UVRAG: variants seen among roughly 807,000 people sequenced by gnomAD.
UVRAG encodes the protein UV radiation resistance associated.
In UVRAG, 19 loss-of-function variants were observed where a neutral mutation model predicts 78.0. That is an observed-to-expected ratio of 0.24 (90% CI 0.17 to 0.36). The LOEUF (loss-of-function observed/expected upper bound fraction) is 0.36, where lower values mean the gene tolerates loss of function less well. UVRAG is among the 10% of genes least tolerant of loss of function. The pLI is 1.00. For missense variants in UVRAG, 740 were observed against 853.8 expected, an observed-to-expected ratio of 0.87 and a Z score of 1.66; for synonymous variants, 323 against 324.6, an observed-to-expected ratio of 1.00 and a Z score of 0.05.
intron 6 of UVRAG, among the ~76,000 whole-genome samples, chr11:75,929,945 G>A (rs1351650092): frequency 1.3e-5 from 2 of 152,096 alleles, no homozygotes; most frequent in Non-Finnish European, 2.9e-5. Context: ...ATCTCACTTC[G>A]TTCCTGTACC....
intron 12 of UVRAG, among the ~76,000 whole-genome samples, chr11:76,028,391 G>A (rs557681761): frequency 2.4e-4 from 36 of 152,190 alleles, no homozygotes; most frequent in African/African-American, 8.4e-4. Flanking sequence ...GAAAGGAAGA[G>A]TTCCAATATC....
intron 12 of UVRAG, among the ~76,000 whole-genome samples, chr11:76,022,510 T>C (rs1361631486): frequency 6.6e-6 from 1 of 152,216 alleles, no homozygotes; most frequent in Non-Finnish European, 1.5e-5. Flanking sequence ...GCCTGATGAA[T>C]TGACCCTTTT....
chr11:76,115,082 C>G (rs970061779), intron 13 of UVRAG, among the ~76,000 whole-genome samples: 3 of 152,214 alleles, frequency 2.0e-5, no homozygotes, highest in African/African-American at 7.2e-5. Context: ...TGCACATCCA[C>G]TTACTTCGGC....
At chr11:76,035,214 T>A (rs1950511251) in intron 12 of UVRAG, among the ~76,000 whole-genome samples, 1 of 152,198 alleles carries the variant, frequency 6.6e-6, no homozygotes, top group Non-Finnish European at 1.5e-5. Context: ...CTCCTAATAT[T>A]GAATTTGCTG....
chr11:75,964,658 T>C (rs1434039650), intron 7 of UVRAG, among the ~76,000 whole-genome samples: 1 of 152,202 alleles, frequency 6.6e-6, no homozygotes, highest in Non-Finnish European at 1.5e-5. Context: ...ATCCCAGCAA[T>C]TTGGGAGGCC....
At chr11:76,077,775 T>A (rs1347350563) in intron 13 of UVRAG, among the ~76,000 whole-genome samples, 2 of 152,210 alleles carry the variant, frequency 1.3e-5, no homozygotes, top group Non-Finnish European at 2.9e-5. Flanking sequence ...GCTTTCCTTT[T>A]GTCAGACAGG....
intron 1 of UVRAG, chr11:75,837,609 T>A (rs1945814382): frequency 6.6e-6 from 1 of 152,200 alleles, no homozygotes; most frequent in South Asian, 2.1e-4. Context: ...CTGGTTCTGA[T>A]CAACTAGTTG....
At chr11:76,070,382 A>G (rs1162783197) in intron 13 of UVRAG, among the ~76,000 whole-genome samples, 1 of 152,188 alleles carries the variant, frequency 6.6e-6, no homozygotes. Flanking sequence ...GATATAATAT[A>G]CAGAATGAGG....
At chr11:75,917,727 T>C (rs975099267) in intron 6 of UVRAG, among the ~76,000 whole-genome samples, 1 of 152,336 alleles carries the variant, frequency 6.6e-6, no homozygotes, top group Non-Finnish European at 1.5e-5. Context: ...AATGGTATTA[T>C]CACCATCCTA....
intron 1 of UVRAG, among the ~76,000 whole-genome samples, chr11:75,850,789 C>T (rs930338431): frequency 1.3e-5 from 2 of 152,162 alleles, no homozygotes; most frequent in African/African-American, 4.8e-5. Flanking sequence ...AGAGTAAGCC[C>T]AGGAAACTTT....
chr11:75,829,786 A>C (rs959824619), intron 1 of UVRAG, among the ~76,000 whole-genome samples: 4 of 152,216 alleles, frequency 2.6e-5, no homozygotes, highest in Admixed American at 1.3e-4. Flanking sequence ...ATTCCAGTAA[A>C]AGTTTAAGGA....
intron 3 of UVRAG, among the ~76,000 whole-genome samples, chr11:75,867,419 A>G (rs547326461): frequency 1.6e-4 from 24 of 152,138 alleles, no homozygotes; most frequent in Non-Finnish European, 3.1e-4. Flanking sequence ...TCCGATTGCC[A>G]TGTTTCAACT....
At chr11:75,970,103 G>T (rs1443818969) in intron 7 of UVRAG, among the ~76,000 whole-genome samples, 1 of 152,220 alleles carries the variant, frequency 6.6e-6, no homozygotes, top group East Asian at 1.9e-4. Context: ...AAGACTAGGA[G>T]AGAAGACACA....
chr11:76,141,069 G>A lies in UVRAG; in HGVS notation c.1756G>A (p.Gly586Arg), dbSNP rs200073911. ...HANVHPSQEQ[G>R]EALSGHRATV... Reference sequence around the variant, plus strand: ...GAATGTGCACCCTAGCCAAGAACAAGGAGAAGCCCTCTCCGGGCACCGGGC... The same window carrying A: ...GAATGTGCACCCTAGCCAAGAACAAAGAGAAGCCCTCTCCGGGCACCGGGC... Residue 586 changes from glycine to arginine, a missense_variant, in exon 15 of 15, where the codon GGA becomes AGA. Physicochemically the swap from Gly to Arg is moderately radical, Grantham distance 125. Coordinates refer to ENST00000356136, the MANE Select transcript of UVRAG (RefSeq NM_003369.4). 3.9e-5 allele frequency: 63 copies of A among 1,613,668 alleles called. No individual in the cohort carries two copies. Among genetic ancestry groups the A allele is most frequent in the African/African-American group, 6.7e-5 (5 of 74,584 alleles).
chr11:75,918,909 C>T (rs975819299), intron 6 of UVRAG, among the ~76,000 whole-genome samples: 1 of 152,178 alleles, frequency 6.6e-6, no homozygotes, highest in African/African-American at 2.4e-5. Flanking sequence ...TCAGCTGTTG[C>T]TTTCTTTCAG....
At chr11:76,125,282 A>G (rs780752414) in intron 14 of UVRAG, among the ~76,000 whole-genome samples, 1 of 152,228 alleles carries the variant, frequency 6.6e-6, no homozygotes, top group East Asian at 1.9e-4. Flanking sequence ...AGTCAAAAAT[A>G]AGTGAAAAAG....
chr11:75,901,531 C>T (rs1487783099), intron 5 of UVRAG, among the ~76,000 whole-genome samples: 2 of 152,162 alleles, frequency 1.3e-5, no homozygotes, highest in Non-Finnish European at 2.9e-5. Context: ...TCTCACAACA[C>T]TTCCTCCTGC....
chr11:75,878,663 A>C (rs2134872109), intron 3 of UVRAG, among the ~76,000 whole-genome samples: 1 of 152,344 alleles, frequency 6.6e-6, no homozygotes, highest in South Asian at 2.1e-4. Flanking sequence ...GCTGGAGACC[A>C]GCCCGGCTAA....
intron 1 of UVRAG, among the ~76,000 whole-genome samples, chr11:75,848,605 A>G (rs953968119): frequency 2.6e-5 from 4 of 152,208 alleles, no homozygotes; most frequent in African/African-American, 9.7e-5. Context: ...ATCTCCGTCC[A>G]AGCCCTGCAC....
Sources: gnomAD v4.1 joint callset for allele counts (sites outside exome capture counted in the v4.1 genomes callset) on GRCh38, gnomAD v4.1.1 for gene constraint, MANE v1.5 for transcripts, NCBI Gene and HGNC (gene_info 2026-07-23, HGNC 2026-07-21) for gene names.